Variants in ADCY2 observed in about 807,000 individuals in gnomAD.
ADCY2 encodes the protein adenylate cyclase 2, also known as adenylate cyclase type 2.
In ADCY2, 31 loss-of-function variants were observed where a neutral mutation model predicts 125.2. The observed-to-expected ratio is 0.25, with a 90% confidence interval of 0.19 to 0.33. ADCY2 has a LOEUF of 0.33. Among genes scored for constraint, ADCY2 ranks in the 10% least tolerant of loss-of-function variants. ADCY2 has a pLI of 1.00. For synonymous variants in ADCY2, 512 were observed against 548.4 expected (o/e 0.93, Z 0.93); for missense variants, 904 against 1,418.2 (o/e 0.64, Z 5.82).
chr5:7,596,285 C>CA (rs927146144), intron 3 of ADCY2, among the ~76,000 whole-genome samples: 1 of 149,240 alleles, frequency 6.7e-6, no homozygotes. Flanking sequence ...TCCCCCCCCC[C>CA]ACCAGTTAGC....
intron 5 of ADCY2, 133 bp downstream of exon 5, chr5:7,690,972 C>A: frequency 9.5e-7 from 1 of 1,055,848 alleles, no homozygotes; most frequent in Non-Finnish European, 1.3e-6. Context: ...AATAATCACA[C>A]AGATTCTGCC....
intron 4 of ADCY2, among the ~76,000 whole-genome samples, chr5:7,682,499 T>G (rs542667820): frequency 1.2e-4 from 18 of 152,294 alleles, no homozygotes; most frequent in African/African-American, 4.3e-4. Flanking sequence ...GCGTCTAAGC[T>G]TGGCAGCACA....
At chr5:7,751,360 C>T (rs1742809830) in intron 15 of ADCY2, among the ~76,000 whole-genome samples, 1 of 152,058 alleles carries the variant, frequency 6.6e-6, no homozygotes, top group Non-Finnish European at 1.5e-5. Flanking sequence ...CTCATATGGT[C>T]CATTGCCTTA....
chr5:7,404,049 A>G (rs1739376414), intron 1 of ADCY2, among the ~76,000 whole-genome samples: 1 of 151,978 alleles, frequency 6.6e-6, no homozygotes, highest in African/African-American at 2.4e-5. Flanking sequence ...TGTCTTTGAT[A>G]GTAGTAAGAT....
At chr5:7,467,317 C>A (rs1330949281) in intron 2 of ADCY2, among the ~76,000 whole-genome samples, 1 of 152,178 alleles carries the variant, frequency 6.6e-6, no homozygotes, top group Non-Finnish European at 1.5e-5. Context: ...ATGTTTTTAT[C>A]CAAGCTCCCT....
chr5:7,775,464 C>T (rs1263343261), intron 18 of ADCY2, among the ~76,000 whole-genome samples: 4 of 152,042 alleles, frequency 2.6e-5, no homozygotes, highest in Non-Finnish European at 5.9e-5. Flanking sequence ...GATCTCTGCT[C>T]AGTGCAACCC....
intron 2 of ADCY2, among the ~76,000 whole-genome samples, chr5:7,435,875 A>G (rs1740780799): frequency 6.6e-6 from 1 of 152,226 alleles, no homozygotes; most frequent in Non-Finnish European, 1.5e-5. Flanking sequence ...CCCACCCAAC[A>G]GTGACTTTAT....
chr5:7,805,994 A>G (rs1395093886), intron 22 of ADCY2, among the ~76,000 whole-genome samples: 2 of 152,054 alleles, frequency 1.3e-5, no homozygotes, highest in African/African-American at 4.8e-5. Context: ...CATAAAAGAA[A>G]CCCCAGAAGA....
At chr5:7,490,782 C>T (rs754125296) in intron 2 of ADCY2, among the ~76,000 whole-genome samples, 130 of 152,048 alleles carry the variant, frequency 8.5e-4, no homozygotes, top group Non-Finnish European at 1.4e-3. Context: ...AGCAACCTTT[C>T]CAAAGACCAC....
chr5:7,445,177 G>A (rs1395344970), intron 2 of ADCY2, among the ~76,000 whole-genome samples: 1 of 152,168 alleles, frequency 6.6e-6, no homozygotes, highest in Admixed American at 6.5e-5. Flanking sequence ...CCCACTGCTG[G>A]GTTATAAAGC....
intron 2 of ADCY2, among the ~76,000 whole-genome samples, chr5:7,497,781 A>G (rs1177057914): frequency 6.6e-6 from 1 of 152,130 alleles, no homozygotes; most frequent in Non-Finnish European, 1.5e-5. Context: ...TAGTGAAATA[A>G]TGTATTTAAT....
At chr5:7,677,375 C>T (rs1277810292) in intron 4 of ADCY2, among the ~76,000 whole-genome samples, 1 of 152,164 alleles carries the variant, frequency 6.6e-6, no homozygotes, top group African/African-American at 2.4e-5. Context: ...GCCTGTCATC[C>T]AAGCTGTGGC....
intron 2 of ADCY2, among the ~76,000 whole-genome samples, chr5:7,430,184 A>G (rs891975981): frequency 2.0e-5 from 3 of 152,140 alleles, no homozygotes; most frequent in Non-Finnish European, 4.4e-5. Flanking sequence ...AAATAGCTCT[A>G]TATGTAGAAA....
At chr5:7,550,825 A>C (rs1008525866) in intron 3 of ADCY2, among the ~76,000 whole-genome samples, 1 of 152,128 alleles carries the variant, frequency 6.6e-6, no homozygotes, top group Non-Finnish European at 1.5e-5. Context: ...TCTGCTTAGA[A>C]ATGCCTGAGC....
chr5:7,660,250 AGG>A (rs1739478922), intron 4 of ADCY2, among the ~76,000 whole-genome samples: 1 of 87,772 alleles, frequency 1.1e-5, no homozygotes, highest in Non-Finnish European at 3.3e-5. Context: ...GAAGGAAGGA[AGG>A]AAGGAAGGAA....
In ADCY2 at chr5:7,396,865, C is replaced by G. The variant is rs1409821903; in HGVS notation, c.210+359C>G. On this transcript the variant is annotated intron_variant, in intron 1 of 24. Transcript: ENST00000338316. This position sits in a 1 kb window ranked among gnomAD's most constrained non-coding sequence, Gnocchi z 5.7. ...CCGCAGCGCTGGAATAGGTCTTCCC[C>G]GACTCAGCCCTGGGCTTCCTGGGCG... 2.6e-5 allele frequency among the ~76,000 whole-genome samples: 4 copies of G among 152,192 alleles called. No homozygotes were observed. The highest frequency in any genetic ancestry group is 5.9e-5 in the Non-Finnish European group (4 of 68,024).
At chr5:7,540,298 CAA>C (rs113831290) in intron 3 of ADCY2, among the ~76,000 whole-genome samples, 2 of 145,542 alleles carry the variant, frequency 1.4e-5, no homozygotes, top group Non-Finnish European at 1.5e-5. Flanking sequence ...TGTAACAAAC[CAA>C]AAAAAAAAAG....
At chr5:7,545,928 C>G (rs1046873549) in intron 3 of ADCY2, among the ~76,000 whole-genome samples, 1 of 152,124 alleles carries the variant, frequency 6.6e-6, no homozygotes, top group African/African-American at 2.4e-5. Context: ...TGTGTGCAGA[C>G]GGGGATTACT....
chr5:7,729,849 A>C (rs1202352675), intron 14 of ADCY2, among the ~76,000 whole-genome samples: 1 of 148,782 alleles, frequency 6.7e-6, no homozygotes, highest in Non-Finnish European at 1.5e-5. Context: ...ATAATTATTT[A>C]TAATATGTAT....
Sources: allele counts gnomAD v4.1 joint callset (sites outside exome capture counted in the v4.1 genomes callset), GRCh38; gene constraint gnomAD v4.1.1; non-coding constraint Gnocchi (gnomAD v3.1); transcripts MANE v1.5; gene names NCBI Gene and HGNC (gene_info 2026-07-23, HGNC 2026-07-21).